The following FMNL1 variants were observed in gnomAD, a reference collection of about 807,000 sequenced individuals.
FMNL1 encodes formin-like protein 1.
In FMNL1, 43 loss-of-function variants were observed where a neutral mutation model predicts 121.3. That is an observed-to-expected ratio of 0.35 (90% confidence interval 0.28 to 0.46). The LOEUF (loss-of-function observed/expected upper bound fraction) is 0.46. Among genes scored for constraint, FMNL1 ranks in the 20% least tolerant of loss-of-function variants. The probability of loss-of-function intolerance (pLI) is 1.00; values close to 1 mark genes in which losing one functional copy is unlikely to be tolerated. For missense variants in FMNL1, 1,191 were observed against 1,482.4 expected (o/e 0.80, Z 3.23); for synonymous variants, 613 against 613.5 (o/e 1.00, Z 0.01).
At chr17:45,238,665 G>A (rs2043607704) in intron 10 of FMNL1, 27 bp downstream of exon 10, 1 of 1,613,604 alleles carries the variant, frequency 6.2e-7, no homozygotes. Context: ...AGCAGCCTGA[G>A]GCCTGGGCCA....
intron 15 of FMNL1, 62 bp from the exon 16 acceptor site, chr17:45,242,279 G>C (rs1162282652): frequency 1.3e-6 from 2 of 1,593,656 alleles, no homozygotes; most frequent in Non-Finnish European, 1.7e-6. Context: ...GCCCTCCCTG[G>C]GCCCAGGTTC....
chr17:45,240,357 A>G (rs1488467446), intron 11 of FMNL1, 119 bp from the exon 12 acceptor site: 9 of 1,049,052 alleles, frequency 8.6e-6, no homozygotes, highest in Non-Finnish European at 1.0e-5. Context: ...ATAAAGAAAA[A>G]GTAGGCTAGG....
At chr17:45,236,091 T>G (rs1177825354) in intron 6 of FMNL1, 45 bp from the exon 7 acceptor site, 1 of 1,516,114 alleles carries the variant, frequency 6.6e-7, no homozygotes, top group Admixed American at 1.7e-5. Context: ...AACAGGAAGC[T>G]GGGGCTCACT....
intron 1 of FMNL1, among the ~76,000 whole-genome samples, chr17:45,226,662 T>TA (rs2043335755): frequency 6.6e-6 from 1 of 152,202 alleles, no homozygotes; most frequent in African/African-American, 2.4e-5. Context: ...GTAAAGTGCT[T>TA]AGAACGGCAC....
At chr17:45,230,741 C>T in intron 2 of FMNL1, 54 bp downstream of exon 2, 1 of 1,579,674 alleles carries the variant, frequency 6.3e-7, no homozygotes, top group Non-Finnish European at 8.7e-7. Context: ...AGTACCCCAC[C>T]CTGACCAGGC....
In FMNL1 at chr17:45,241,641, A is replaced by G. The variant is rs1448631991; in HGVS notation, c.1585+7A>G. On this transcript the variant is annotated splice_region_variant and intron_variant, in intron 14 of 26. Coordinates refer to ENST00000331495, the MANE Select transcript of FMNL1 (RefSeq NM_005892.4). The surrounding 1 kb of genome is among the most constrained non-coding windows in gnomAD (Gnocchi z 7.0). The stretch of plus-strand genomic sequence containing the variant: ...ACCGGCTCCCCCAGCCCAGGTGCGC[A>G]GGAGCTTCAGGCTGGCGGGGATGCG... 8.0e-6 allele frequency: 12 copies of G among 1,493,138 alleles called. No homozygotes were observed. The highest frequency in any genetic ancestry group is 1.1e-5 in the Non-Finnish European group (12 of 1,122,118). The allele number at this position is 1,493,138 out of a possible 1,614,324, so 92.5% of individuals were successfully genotyped here.
rs113373366 is a variant in FMNL1 at position 45,237,671 on chromosome 17, C to T, written c.894+32C>T. ...GAGTCCCTCACCCAAACATGCATTTCCCCCTATGGTGTTGCTTGGAGTCTT... is the reference window on the plus strand; with the variant it reads ...GAGTCCCTCACCCAAACATGCATTTTCCCCTATGGTGTTGCTTGGAGTCTT... On this transcript the variant is annotated intron_variant, in intron 9 of 26. Coordinates refer to ENST00000331495, the MANE Select transcript of FMNL1 (RefSeq NM_005892.4). This position sits in a 1 kb window ranked among gnomAD's most constrained non-coding sequence, Gnocchi z 4.4. The T allele has an allele frequency of 6.3e-4, 1,021 of 1,608,928 alleles. 4 individuals are homozygous for T. In the African/African-American group the frequency reaches 0.011, roughly 18 times the overall value.
At chr17:45,224,316 A>G (rs1436142914) in intron 1 of FMNL1, among the ~76,000 whole-genome samples, 1 of 152,136 alleles carries the variant, frequency 6.6e-6, no homozygotes, top group Non-Finnish European at 1.5e-5. Flanking sequence ...GCCCAGGGCT[A>G]AAGAGTTGGT....
intron 1 of FMNL1, 101 bp from the exon 2 acceptor site, chr17:45,230,503 C>A: frequency 1.0e-6 from 1 of 1,000,768 alleles, no homozygotes; most frequent in Non-Finnish European, 1.6e-6. Context: ...GGGGGTGATG[C>A]ACCTCCTAGG....
At chr17:45,240,802 C>A in intron 12 of FMNL1, 177 bp downstream of exon 12, 1 of 954,666 alleles carries the variant, frequency 1.0e-6, no homozygotes. Context: ...TGTTGGGTGT[C>A]TTTCTCAATG....
rs1323257472 is a variant in FMNL1 at position 45,230,795 on chromosome 17, C to G, written c.213+108C>G. 4.2e-6 allele frequency: 5 copies of G among 1,199,780 alleles called. No individual in the cohort carries two copies. The African/African-American group carries it at 7.6e-5, about 18-fold the overall frequency. The allele number at this position is 1,199,780 out of a possible 1,614,324, so 74.3% of individuals were successfully genotyped here. A position where few individuals can be genotyped will look rare whatever the true frequency, so the allele number is the denominator to read the frequency against. ...GGCACCGCCATACTGCCCATGGAGC[C>G]AAGACTCTGCTCAGTGGCCAATGTA... On this transcript the variant is annotated intron_variant, in intron 2 of 26. Coordinates refer to ENST00000331495, the MANE Select transcript of FMNL1 (RefSeq NM_005892.4).
intron 18 of FMNL1, 34 bp downstream of exon 18, chr17:45,244,059 G>A (rs2043771187): frequency 2.5e-6 from 4 of 1,599,258 alleles, no homozygotes; most frequent in South Asian, 2.2e-5. Flanking sequence ...GTGTGACTTG[G>A]GAGGGGATGG....
intron 16 of FMNL1, 35 bp downstream of exon 16, chr17:45,242,500 C>T (rs1242521511): frequency 1.0e-5 from 16 of 1,600,672 alleles, no homozygotes; most frequent in African/African-American, 4.0e-5. Flanking sequence ...ATGTGGGCAC[C>T]GGAGGAAGAG....
intron 11 of FMNL1, 156 bp downstream of exon 11, chr17:45,239,221 TCTCA>T: frequency 1.6e-6 from 1 of 628,940 alleles, no homozygotes; most frequent in South Asian, 1.9e-5. Flanking sequence ...TCTTCCTCTC[TCTCA>T]GTGTCAGTTT....
In FMNL1 at chr17:45,233,288, A is replaced by G. The variant is rs1239341827; in HGVS notation, c.392A>G (p.Asn131Ser). The G allele has an allele frequency of 6.4e-7, 1 of 1,559,940 alleles. No homozygotes were observed. The highest frequency in any genetic ancestry group is 8.7e-7 in the Non-Finnish European group (1 of 1,152,312). Residue 131 changes from asparagine to serine, a missense_variant, in exon 4 of 27, where the codon AAC (asparagine) becomes AGC (serine). This residue lies in a region of FMNL1 where 253 missense variants were observed against 417.5 expected (regional missense o/e 0.61). Coordinates refer to ENST00000331495, the MANE Select transcript of FMNL1 (RefSeq NM_005892.4). This position sits in a 1 kb window ranked among gnomAD's most constrained non-coding sequence, Gnocchi z 4.1. Reference protein sequence around the residue: ...LRELETSLRTNHIGWVQEFLN... With the variant: ...LRELETSLRTSHIGWVQEFLN... ...GAGCTGGAGACCTCCCTGAGGACCA[A>G]CCACATTGGGTGAGTGAGGGCTCAG...
chr17:45,246,571 G>A lies in FMNL1; in HGVS notation c.3278G>A (p.Ser1093Asn). 6.2e-7 allele frequency: 1 copy of A among 1,610,828 alleles called. No individual in the cohort carries two copies. Among genetic ancestry groups the A allele is most frequent in the South Asian group, 1.1e-5 (1 of 90,950 alleles). ...ACATCCCGGCTCCTCTGTGAGGCCAGCCTGGGAGAAGAGATGCCCCTCTAG... is the reference window on the plus strand; with the variant it reads ...ACATCCCGGCTCCTCTGTGAGGCCAACCTGGGAGAAGAGATGCCCCTCTAG... ...KRTSRLLCEA[S>N]LGEEMPL The change falls in exon 26 of 27, where the codon AGC (serine) becomes AAC (asparagine). Residue 1093 changes from serine to asparagine, a missense_variant. By Grantham distance (46) the Ser-to-Asn change is conservative (BLOSUM62 1). This residue lies in a region of FMNL1 where 367 missense variants were observed against 528.6 expected (regional missense o/e 0.69). Transcript: ENST00000331495.
rs140392058 is a variant in FMNL1, at chr17:45,224,767, G to A, written c.129+2514G>A. ...AAAGGGGTGCCCCCTGCTTAAAATG[G>A]GGGTGGAGAGAAAGAGCAGGTTGAG... On this transcript the variant is annotated intron_variant, in intron 1 of 26. Transcript: ENST00000331495. Among the ~76,000 whole-genome samples, 1,039 of 152,328 alleles carry A rather than the reference G, an allele frequency of 6.8e-3. 7 individuals carry two copies. The highest frequency in any genetic ancestry group is 0.023 in the African/African-American group (951 of 41,572).
In FMNL1 at chr17:45,245,347, G is replaced by C. The variant is rs1262519608; in HGVS notation, c.2823G>C (p.Val941=). The change falls in exon 22 of 27, where the codon GTG becomes GTC. Residue 941 remains valine (V), a synonymous_variant. Transcript: ENST00000331495. ...REFVRQDDCM[V]LKEFLRANSP... is the part of the protein sequence containing the mutation. The stretch of plus-strand genomic sequence containing the variant: ...TTGTGCGGCAGGATGACTGCATGGT[G>C]CTCAAGGAGTTCCTGAGGGCCAACT... The C allele has an allele frequency of 1.9e-6, 3 of 1,614,106 alleles. No individual in the cohort carries two copies. In the African/African-American group the frequency reaches 4.0e-5, roughly 22 times the overall value.
intron 26 of FMNL1, 40 bp from the exon 27 acceptor site, chr17:45,246,827 C>A: frequency 1.4e-6 from 1 of 700,602 alleles, no homozygotes; most frequent in Non-Finnish European, 2.6e-6. Context: ...CAGCTCTGGG[C>A]GGACTCCTGA....
Sources: gnomAD v4.1 joint callset for allele counts (sites outside exome capture counted in the v4.1 genomes callset) on GRCh38, gnomAD v4.1.1 for gene constraint, gnomAD v4.1.1 regional missense constraint, Gnocchi (gnomAD v3.1) non-coding constraint, MANE v1.5 for transcripts, NCBI Gene and HGNC (gene_info 2026-07-23, HGNC 2026-07-21) for gene names.